The following ACSS3 variants were observed in gnomAD, a reference collection of about 807,000 sequenced individuals.
The protein encoded by ACSS3 is acyl-CoA synthetase short chain family member 3.
In ACSS3, 64 loss-of-function variants were observed where a neutral mutation model predicts 84.2. The ratio of observed to expected loss-of-function variants is 0.76; its 90% confidence interval spans 0.62 to 0.94. The LOEUF (loss-of-function observed/expected upper bound fraction) is 0.94. Ranked by LOEUF, ACSS3 falls within the 40% of genes least tolerant of loss-of-function variation. The pLI is 0.00. For synonymous variants in ACSS3, 317 were observed against 310.1 expected (o/e 1.02, Z -0.23); for missense variants, 815 against 867.6 (o/e 0.94, Z 0.76).
rs961218197 is a variant in ACSS3 at position 81,151,247 on chromosome 12, A to AT, written c.922-591dup. Among the ~76,000 whole-genome samples the AT allele has an allele frequency of 8.5e-5, 13 of 152,232 alleles. No individual in the cohort carries two copies. In the East Asian group the frequency reaches 2.3e-3, roughly 27 times the overall value. On this transcript the variant is annotated intron_variant, in intron 5 of 15. Coordinates refer to ENST00000548058, the MANE Select transcript of ACSS3 (RefSeq NM_024560.4). ...TTGCCCAAAATGCAATATAAGACAAATTTTTTAACCTTAGATTCAACTCAC... is the reference window on the plus strand; with the variant it reads ...TTGCCCAAAATGCAATATAAGACAAATTTTTTTAACCTTAGATTCAACTCAC...
chr12:81,160,714 C>A lies in ACSS3; in HGVS notation c.1098+8618C>A, dbSNP rs1224967596. ...TTAACTCTGGAATTTATTCCAATTTCTTTTCATAGTTAGGGAATGCTGATT... is the reference window on the plus strand; with the variant it reads ...TTAACTCTGGAATTTATTCCAATTTATTTTCATAGTTAGGGAATGCTGATT... On this transcript the variant is annotated intron_variant, in intron 7 of 15. Coordinates refer to ENST00000548058, the MANE Select transcript of ACSS3 (RefSeq NM_024560.4). 7.2e-5 allele frequency among the ~76,000 whole-genome samples: 11 copies of A among 152,016 alleles called. No individual in the cohort carries two copies. The East Asian group carries it at 2.1e-3, about 29-fold the overall frequency.
chr12:81,190,210 A>T (rs945947752), intron 8 of ACSS3, among the ~76,000 whole-genome samples: 1 of 145,588 alleles, frequency 6.9e-6, no homozygotes, highest in Admixed American at 7.0e-5. Context: ...AAACATAGAG[A>T]TAGAGAGAGA....
At chr12:81,207,915 A>G (rs1418787301) in intron 9 of ACSS3, among the ~76,000 whole-genome samples, 5 of 152,122 alleles carry the variant, frequency 3.3e-5, no homozygotes, top group African/African-American at 1.2e-4. Context: ...GGAGTAGGAT[A>G]AGACCAGTGT....
rs199987577 is a variant in ACSS3 at position 81,107,509 on chromosome 12, T to TACAC, written c.312-2048_312-2047insCACA. Among the ~76,000 whole-genome samples the TACAC allele has an allele frequency of 4.3e-3, 129 of 29,942 alleles. 3 individuals carry two copies. Among genetic ancestry groups the TACAC allele is most frequent in the African/African-American group, 6.3e-3 (68 of 10,730 alleles). The allele number at this position is 29,942 out of a possible 152,430, so 19.6% of individuals were successfully genotyped here. Reference sequence around the variant, plus strand: ...GTTTTTTTTTTCAGGTACAAATATATACATATATATATATATATATATATA... The same window carrying TACAC: ...GTTTTTTTTTTCAGGTACAAATATATACACACATATATATATATATATATATATA... On this transcript the variant is annotated intron_variant, in intron 1 of 15. Coordinates refer to ENST00000548058, the MANE Select transcript of ACSS3 (RefSeq NM_024560.4).
chr12:81,140,506 C>T (rs1886041039), intron 4 of ACSS3, among the ~76,000 whole-genome samples: 2 of 152,056 alleles, frequency 1.3e-5, no homozygotes, highest in South Asian at 4.1e-4. Context: ...GATATGAGAA[C>T]AGAGTGTTAA....
chr12:81,253,515 C>A lies in ACSS3; in HGVS notation c.1840C>A (p.Gln614Lys), dbSNP rs1406896350. 1.9e-6 allele frequency: 3 copies of A among 1,613,798 alleles called. No individual in the cohort carries two copies. The highest frequency in any genetic ancestry group is 1.7e-4 in the Middle Eastern group (1 of 6,060). ...LRKDINATEE[Q>K]VLEEIVKHVR... is the part of the protein sequence containing the mutation. ...TCTAGATATAAATGCAACAGAGGAGCAAGTTTTGGAAGAAATTGTGAAACA... is the reference window on the plus strand; with the variant it reads ...TCTAGATATAAATGCAACAGAGGAGAAAGTTTTGGAAGAAATTGTGAAACA... The change falls in exon 15 of 16, where the codon CAA becomes AAA. Residue 614 changes from glutamine (Q) to lysine (K), a missense_variant. Coordinates refer to ENST00000548058, the MANE Select transcript of ACSS3 (RefSeq NM_024560.4).
chr12:81,252,277 T>C (rs1036988637), intron 13 of ACSS3, among the ~76,000 whole-genome samples: 1 of 152,144 alleles, frequency 6.6e-6, no homozygotes, highest in African/African-American at 2.4e-5. Flanking sequence ...ATTTAGACAT[T>C]TAGAATAGAT....
intron 9 of ACSS3, among the ~76,000 whole-genome samples, chr12:81,216,044 G>A (rs1403487242): frequency 1.3e-5 from 2 of 151,986 alleles, no homozygotes; most frequent in Admixed American, 1.3e-4. Flanking sequence ...AAAAACTATT[G>A]CCAAATTTAG....
chr12:81,092,265 G>A (rs2121337676), intron 1 of ACSS3, among the ~76,000 whole-genome samples: 1 of 152,216 alleles, frequency 6.6e-6, no homozygotes, highest in Non-Finnish European at 1.5e-5. Context: ...CCAGGTGCAA[G>A]ATGAGAGTCC....
intron 2 of ACSS3, among the ~76,000 whole-genome samples, chr12:81,118,843 A>G (rs1473077503): frequency 6.6e-6 from 1 of 152,166 alleles, no homozygotes; most frequent in African/African-American, 2.4e-5. Context: ...CCTGAATTTC[A>G]GGAATTTATA....
intron 9 of ACSS3, among the ~76,000 whole-genome samples, chr12:81,204,557 C>G (rs1009560915): frequency 6.6e-6 from 1 of 152,084 alleles, no homozygotes; most frequent in Non-Finnish European, 1.5e-5. Flanking sequence ...GATAAAAACG[C>G]TTTGTTCTTT....
intron 2 of ACSS3, among the ~76,000 whole-genome samples, chr12:81,114,999 A>G (rs917071944): frequency 6.6e-6 from 1 of 152,110 alleles, no homozygotes; most frequent in Admixed American, 6.6e-5. Context: ...GAGTAATACA[A>G]TGTACTCTTT....
At chr12:81,237,137 T>C (rs1406855522) in intron 13 of ACSS3, among the ~76,000 whole-genome samples, 3 of 151,492 alleles carry the variant, frequency 2.0e-5, no homozygotes, top group East Asian at 3.9e-4. Context: ...TTTTACAACA[T>C]AGAAATGTTT....
intron 2 of ACSS3, among the ~76,000 whole-genome samples, chr12:81,111,557 G>A (rs1403588796): frequency 3.3e-5 from 5 of 152,176 alleles, no homozygotes; most frequent in East Asian, 1.9e-4. Flanking sequence ...AAAGGGCCTC[G>A]ATCCCAGACG....
At chr12:81,099,322 A>G (rs1042664860) in intron 1 of ACSS3, among the ~76,000 whole-genome samples, 1 of 152,162 alleles carries the variant, frequency 6.6e-6, no homozygotes, top group Non-Finnish European at 1.5e-5. Context: ...ATAAATTGTA[A>G]TGTTATTCTA....
At chr12:81,121,110 G>A (rs1884556215) in intron 2 of ACSS3, among the ~76,000 whole-genome samples, 1 of 152,150 alleles carries the variant, frequency 6.6e-6, no homozygotes, top group Non-Finnish European at 1.5e-5. Context: ...TACCATTCCT[G>A]GGATATTTGG....
intron 9 of ACSS3, among the ~76,000 whole-genome samples, chr12:81,208,749 C>A (rs1357614928): frequency 1.3e-5 from 2 of 151,826 alleles, no homozygotes; most frequent in African/African-American, 4.8e-5. Flanking sequence ...CTGTTTACTT[C>A]TTTCACTTGG....
chr12:81,083,698 G>T (rs569818038), intron 1 of ACSS3, among the ~76,000 whole-genome samples: 1 of 151,906 alleles, frequency 6.6e-6, no homozygotes, highest in Non-Finnish European at 1.5e-5. Flanking sequence ...TGGGCAGGGC[G>T]CAGCAGCTCA....
intron 1 of ACSS3, among the ~76,000 whole-genome samples, chr12:81,093,511 T>C (rs1334101541): frequency 6.6e-6 from 1 of 152,030 alleles, no homozygotes; most frequent in African/African-American, 2.4e-5. Flanking sequence ...TATGCCTTTT[T>C]TCCCACTGTA....
Sources: allele counts gnomAD v4.1 joint callset (sites outside exome capture counted in the v4.1 genomes callset), GRCh38; gene constraint gnomAD v4.1.1; transcripts MANE v1.5; gene names NCBI Gene and HGNC (gene_info 2026-07-23, HGNC 2026-07-21).